The following PARD3B variants were observed in gnomAD, a reference collection of about 807,000 sequenced individuals.
PARD3B encodes partitioning defective 3 homolog B.
Under a neutral mutation model 130.2 loss-of-function variants are expected in PARD3B, and 103 were observed. The ratio of observed to expected loss-of-function variants is 0.79; its 90% confidence interval spans 0.67 to 0.93. The LOEUF is 0.93. Among genes scored for constraint, PARD3B ranks in the 40% least tolerant of loss-of-function variants. The probability of loss-of-function intolerance (pLI) is 0.00; values close to 1 mark genes in which losing one functional copy is unlikely to be tolerated. For missense variants in PARD3B, 1,609 were observed against 1,499.2 expected (o/e 1.07, Z -1.21); for synonymous variants, 583 against 553.2 (o/e 1.05, Z -0.76).
At chr2:204,573,610 G>A (rs1194162495) in intron 1 of PARD3B, among the ~76,000 whole-genome samples, 2 of 152,138 alleles carry the variant, frequency 1.3e-5, no homozygotes, top group Non-Finnish European at 2.9e-5. Flanking sequence ...AGTAATAAGC[G>A]ACAGATTCTG....
At chr2:205,037,716 T>C (rs562126890) in intron 3 of PARD3B, among the ~76,000 whole-genome samples, 2 of 151,502 alleles carry the variant, frequency 1.3e-5, no homozygotes, top group African/African-American at 4.8e-5. Flanking sequence ...CAGTTTCCCC[T>C]TAACTGGAAT....
intron 20 of PARD3B, among the ~76,000 whole-genome samples, chr2:205,488,267 G>A (rs2049525198): frequency 6.6e-6 from 1 of 152,006 alleles, no homozygotes; most frequent in Non-Finnish European, 1.5e-5. Flanking sequence ...CAGGGCGGGG[G>A]GTGTTGGGGG....
intron 2 of PARD3B, among the ~76,000 whole-genome samples, chr2:204,862,836 G>T (rs756613601): frequency 6.6e-6 from 1 of 152,070 alleles, no homozygotes; most frequent in Admixed American, 6.6e-5. Flanking sequence ...GAACTTATTG[G>T]GCAAATAGTA....
chr2:204,899,740 C>G (rs2046789897), intron 2 of PARD3B, among the ~76,000 whole-genome samples: 1 of 152,120 alleles, frequency 6.6e-6, no homozygotes, highest in African/African-American at 2.4e-5. Context: ...TATTACTCAT[C>G]AACATCCTTC....
rs1408609170 is a variant in PARD3B at position 205,442,290 on chromosome 2, C to T, written c.3044+1618C>T. On this transcript the variant is annotated intron_variant, in intron 20 of 22. Coordinates refer to ENST00000406610, the MANE Select transcript of PARD3B (RefSeq NM_001302769.2). The stretch of plus-strand genomic sequence containing the variant: ...GGTAAGCCACAAGGAACAGGTTTTC[C>T]TTTTTTTTTTTTTTTTTTTTTTTTT... 4.5e-3 allele frequency among the ~76,000 whole-genome samples: 477 copies of T among 105,846 alleles called. 1 individual carries two copies. The highest frequency in any genetic ancestry group is 0.018 in the African/African-American group (417 of 23,598). The allele number at this position is 105,846 out of a possible 152,430, so 69.4% of individuals were successfully genotyped here.
At chr2:204,686,553 G>C (rs1030215971) in intron 2 of PARD3B, among the ~76,000 whole-genome samples, 4 of 152,186 alleles carry the variant, frequency 2.6e-5, no homozygotes, top group Admixed American at 1.3e-4. Context: ...TTTCATATGT[G>C]AGGCTGTTGG....
Position 204,792,307 on chromosome 2 carries a change from TAA to T in PARD3B, c.222+106027_222+106028del, listed in dbSNP as rs776971867. 3.4e-4 allele frequency among the ~76,000 whole-genome samples: 52 copies of T among 152,310 alleles called. 1 individual carries two copies. The highest frequency in any genetic ancestry group is 1.9e-3 in the Admixed American group (29 of 15,296). On this transcript the variant is annotated intron_variant, in intron 2 of 22. Transcript: ENST00000406610. ...GTATTTCACCTATCATATTTTTTCT[TAA>T]AGTGCTTAAAATATTATCCCTTTGA...
In PARD3B at chr2:204,619,571, A is replaced by C. The variant is rs558978592; in HGVS notation, c.121-66610A>C. 3.5e-4 allele frequency among the ~76,000 whole-genome samples: 54 copies of C among 152,302 alleles called. 1 individual carries two copies. The South Asian group carries it at 0.011, about 31-fold the overall frequency. ...CTCTAAGTTGACTCACTGGTAAGGA[A>C]GAATAAGCCACAATTCTTGATTGCA... On this transcript the variant is annotated intron_variant, in intron 1 of 22. Transcript: ENST00000406610.
chr2:205,618,436 C>T lies in PARD3B; in HGVS notation c.*2623C>T, dbSNP rs948568323. The T allele has an allele frequency of 6.6e-6, 1 of 152,152 alleles. No individual in the cohort carries two copies. The highest frequency in any genetic ancestry group is 1.5e-5 in the Non-Finnish European group (1 of 68,038). 9.4% of individuals were successfully genotyped at this position (152,152 alleles called of 1,614,324 possible). Reference sequence around the variant, plus strand: ...CTTTTAGAGTATTTAGAAGACCAGGCTATAATCAGTAATGTGCCTGGGAGC... The same window carrying T: ...CTTTTAGAGTATTTAGAAGACCAGGTTATAATCAGTAATGTGCCTGGGAGC... On this transcript the variant is annotated 3_prime_UTR_variant, in exon 23 of 23. Transcript: ENST00000406610.
In PARD3B at chr2:205,061,340, A is replaced by G. The variant is rs533202930; in HGVS notation, c.504+13650A>G. Among the ~76,000 whole-genome samples the G allele has an allele frequency of 5.3e-5, 8 of 152,250 alleles. No homozygotes were observed. The South Asian group carries it at 1.7e-3, about 32-fold the overall frequency. Reference sequence around the variant, plus strand: ...GAGTGGTTAAGAACATGGACTGTAAACATGACTGCTTGGTTCAAAGCTAGC... The same window carrying G: ...GAGTGGTTAAGAACATGGACTGTAAGCATGACTGCTTGGTTCAAAGCTAGC... On this transcript the variant is annotated intron_variant, in intron 4 of 22. Transcript: ENST00000406610.
At chr2:205,521,436 C>CTCT (rs943689600) in intron 21 of PARD3B, among the ~76,000 whole-genome samples, 8 of 152,050 alleles carry the variant, frequency 5.3e-5, no homozygotes, top group African/African-American at 1.4e-4. Context: ...CGTCAATAGA[C>CTCT]TCTTTAACTT....
At chr2:205,429,012 A>G (rs960056589) in intron 19 of PARD3B, among the ~76,000 whole-genome samples, 1 of 152,202 alleles carries the variant, frequency 6.6e-6, no homozygotes, top group Admixed American at 6.5e-5. Flanking sequence ...TGGTAAAGCA[A>G]GGAAGCAATC....
intron 4 of PARD3B, among the ~76,000 whole-genome samples, chr2:205,099,292 TTTGAAATCACATAA>T (rs1470080109): frequency 6.6e-6 from 1 of 152,172 alleles, no homozygotes; most frequent in Non-Finnish European, 1.5e-5. Context: ...AGTTTGAGGA[TTTGAAATCACATAA>T]TTAATATTGT....
intron 1 of PARD3B, among the ~76,000 whole-genome samples, chr2:204,622,090 A>C (rs2034323222): frequency 6.6e-6 from 1 of 152,220 alleles, no homozygotes; most frequent in Non-Finnish European, 1.5e-5. Context: ...GGAAATAGTG[A>C]CAGCCCAGAC....
At chr2:205,329,336 G>C (rs2043034876) in intron 18 of PARD3B, among the ~76,000 whole-genome samples, 1 of 152,188 alleles carries the variant, frequency 6.6e-6, no homozygotes, top group Non-Finnish European at 1.5e-5. Flanking sequence ...GGGTGAAGTA[G>C]CTCCTATTCA....
intron 4 of PARD3B, among the ~76,000 whole-genome samples, chr2:205,094,576 C>A (rs1490844154): frequency 2.0e-5 from 3 of 151,774 alleles, no homozygotes; most frequent in Non-Finnish European, 4.4e-5. Flanking sequence ...CTTTTCTTTT[C>A]TTTCTTACCC....
chr2:205,166,362 A>C (rs1178457124), intron 11 of PARD3B, among the ~76,000 whole-genome samples: 2 of 152,146 alleles, frequency 1.3e-5, no homozygotes, highest in Non-Finnish European at 2.9e-5. Context: ...AGAGGTGAGC[A>C]GGAATGCAAA....
chr2:204,977,513 T>C (rs937942582), intron 3 of PARD3B, among the ~76,000 whole-genome samples: 3 of 152,048 alleles, frequency 2.0e-5, no homozygotes, highest in African/African-American at 7.2e-5. Context: ...CTGAAAAGAA[T>C]AGGGAGCCTT....
At chr2:204,626,492 T>A (rs1380900404) in intron 1 of PARD3B, among the ~76,000 whole-genome samples, 1 of 152,012 alleles carries the variant, frequency 6.6e-6, no homozygotes, top group South Asian at 2.1e-4. Flanking sequence ...TTAAAGGAAG[T>A]AGACATAATT....
Sources: allele counts gnomAD v4.1 joint callset (sites outside exome capture counted in the v4.1 genomes callset), GRCh38; gene constraint gnomAD v4.1.1; transcripts MANE v1.5; gene names NCBI Gene and HGNC (gene_info 2026-07-23, HGNC 2026-07-21).